The following ZFYVE16 variants were observed in gnomAD, a reference collection of about 807,000 sequenced individuals.
ZFYVE16 encodes zinc finger FYVE domain-containing protein 16.
A neutral mutation model predicts 138.1 loss-of-function variants in ZFYVE16; 89 were observed. The ratio of observed to expected loss-of-function variants is 0.64; its 90% CI spans 0.54 to 0.77. The LOEUF (loss-of-function observed/expected upper bound fraction) is 0.77, where lower values mean the gene tolerates loss of function less well. ZFYVE16 is among the 30% of genes least tolerant of loss of function. The probability of loss-of-function intolerance (pLI) is 0.00; values close to 1 mark genes in which losing one functional copy is unlikely to be tolerated. For missense variants in ZFYVE16, 1,793 were observed against 1,786.7 expected, an observed-to-expected ratio of 1.00 and a Z score of -0.06; for synonymous variants, 596 against 618.3, an observed-to-expected ratio of 0.96 and a Z score of 0.53.
intron 2 of ZFYVE16, among the ~76,000 whole-genome samples, chr5:80,431,525 G>T (rs562302033): frequency 5.9e-4 from 90 of 152,260 alleles, no homozygotes; most frequent in African/African-American, 2.1e-3. Flanking sequence ...TTGAAAACTG[G>T]CACAAGACAG....
chr5:80,438,766 C>T lies in ZFYVE16; in HGVS notation c.2081C>T (p.Thr694Ile), dbSNP rs1407555689. ...CCAATCACTTGTGCTATAGATTCTA[C>T]AGCTGATCCACAGGTTAGCTTCAAC... ...VVPITCAIDS[T>I]ADPQVSFNSN... Residue 694 changes from threonine (T) to isoleucine (I), a missense_variant, in exon 4 of 19, where the codon ACA becomes ATA. Physicochemically the swap from Thr to Ile is moderately conservative, Grantham distance 89. Coordinates refer to ENST00000505560, the MANE Select transcript of ZFYVE16 (RefSeq NM_001284236.3). The T allele has an allele frequency of 3.5e-5, 57 of 1,613,996 alleles. No homozygotes were observed. Among genetic ancestry groups the T allele is most frequent in the Non-Finnish European group, 4.7e-5 (55 of 1,179,972 alleles).
chr5:80,418,476 C>A (rs1746592653), intron 1 of ZFYVE16, among the ~76,000 whole-genome samples: 1 of 151,942 alleles, frequency 6.6e-6, no homozygotes, highest in Admixed American at 6.6e-5. Context: ...CCACACCTAA[C>A]TAATTTTTAA....
intron 14 of ZFYVE16, among the ~76,000 whole-genome samples, chr5:80,459,153 C>T (rs574331346): frequency 6.6e-6 from 1 of 152,206 alleles, no homozygotes; most frequent in Non-Finnish European, 1.5e-5. Flanking sequence ...GTCTCAAACT[C>T]TTGACCTCAG....
At chr5:80,475,813 G>A (rs947643022) in intron 18 of ZFYVE16, among the ~76,000 whole-genome samples, 9 of 152,174 alleles carry the variant, frequency 5.9e-5, no homozygotes, top group South Asian at 4.1e-4. Context: ...ATAAGCGTAA[G>A]TATATCTATA....
chr5:80,470,099 G>GTGTGTGTGTATATA (rs1327173079), intron 15 of ZFYVE16, among the ~76,000 whole-genome samples: 1 of 121,182 alleles, frequency 8.3e-6, no homozygotes, highest in African/African-American at 3.4e-5. Context: ...GTGTGTGTGT[G>GTGTGTGTGTATATA]TATTTTTTTT....
Position 80,472,751 on chromosome 5 carries a change from T to C in ZFYVE16, c.4025-10T>C. The C allele has an allele frequency of 6.2e-7, 1 of 1,607,938 alleles. No individual in the cohort carries two copies. Among genetic ancestry groups the C allele is most frequent in the Non-Finnish European group, 8.5e-7 (1 of 1,177,504 alleles). The stretch of plus-strand genomic sequence containing the variant: ...GGCAAAAGAAATGTGAAACTTAGTC[T>C]CATTTCTAGATGGCTTAATGGTACA... On this transcript the variant is annotated splice_polypyrimidine_tract_variant and intron_variant, in intron 15 of 18. Transcript: ENST00000505560.
Position 80,480,725 on chromosome 5 carries a change from AGAGT to A in ZFYVE16, c.*3352_*3355del, listed in dbSNP as rs1330805814. Among the ~76,000 whole-genome samples the A allele has an allele frequency of 1.3e-5, 2 of 152,224 alleles. No homozygotes were observed. The highest frequency in any genetic ancestry group is 3.9e-4 in the East Asian group (2 of 5,180). Reference sequence around the variant, plus strand: ...GATCACTCGAGCTCAGGTTGAGACCAGAGTGAGCAACACAGGGAGACACTGTCTC... The same window carrying A: ...GATCACTCGAGCTCAGGTTGAGACCAGAGCAACACAGGGAGACACTGTCTC... On this transcript the variant is annotated 3_prime_UTR_variant, in exon 19 of 19. Coordinates refer to ENST00000505560, the MANE Select transcript of ZFYVE16 (RefSeq NM_001284236.3).
rs1375527469 is a variant in ZFYVE16, at chr5:80,481,256, C to T, written c.*3879C>T. On this transcript the variant is annotated 3_prime_UTR_variant, in exon 19 of 19. Coordinates refer to ENST00000505560, the MANE Select transcript of ZFYVE16 (RefSeq NM_001284236.3). Reference sequence around the variant, plus strand: ...AGAACACTGGCAATGGGGAGGCTAACGCCCTGACTTTCTAGCCAAAAACCA... The same window carrying T: ...AGAACACTGGCAATGGGGAGGCTAATGCCCTGACTTTCTAGCCAAAAACCA... Among the ~76,000 whole-genome samples, 2 of 152,078 alleles carry T rather than the reference C, an allele frequency of 1.3e-5. No individual in the cohort carries two copies. Among genetic ancestry groups the T allele is most frequent in the South Asian group, 2.1e-4 (1 of 4,820 alleles).
rs780350296 is a variant in ZFYVE16, at chr5:80,437,299, A to G, written c.614A>G (p.Lys205Arg). The G allele has an allele frequency of 1.9e-6, 3 of 1,608,292 alleles. No individual in the cohort carries two copies. The highest frequency in any genetic ancestry group is 2.5e-6 in the Non-Finnish European group (3 of 1,177,168). Residue 205 changes from lysine (K) to arginine (R), a missense_variant, in exon 4 of 19, where the codon AAA (lysine) becomes AGA (arginine). By Grantham distance (26) the Lys-to-Arg change is conservative (BLOSUM62 2). Around this residue, in one of 2 missense-constraint regions of ZFYVE16, gnomAD observed 1,295 missense variants for 1,204.3 expected, o/e 1.08. Coordinates refer to ENST00000505560, the MANE Select transcript of ZFYVE16 (RefSeq NM_001284236.3). ...CAAAATAGAGAAATCGGAGGAATCA[A>G]AGAATTGGGTATAAAAGTAGATACA... ...ELQNREIGGIKELGIKVDTTL... is the reference protein window; with the variant it reads ...ELQNREIGGIRELGIKVDTTL...
chr5:80,431,591 A>G (rs993555486), intron 2 of ZFYVE16, among the ~76,000 whole-genome samples: 1 of 152,158 alleles, frequency 6.6e-6, no homozygotes, highest in Admixed American at 6.5e-5. Context: ...TGGCCAGGGC[A>G]CTCAGGCAGG....
chr5:80,450,530 C>CTATT lies in ZFYVE16; in HGVS notation c.3327_3330dup (p.Pro1111TyrfsTer3). 6.2e-7 allele frequency: 1 copy of CTATT among 1,613,330 alleles called. No homozygotes were observed. The highest frequency in any genetic ancestry group is 1.1e-5 in the South Asian group (1 of 91,066). ...TTGTTATGTTTGCCAAATGAAGATA[C>CTATT]TATTCCTAAGGACATCTTCAGACTA... On this transcript the variant is annotated frameshift_variant, in exon 10 of 19. Transcript: ENST00000505560. LOFTEE classifies it high-confidence loss of function.
At position 80,438,611 on chromosome 5, in the gene ZFYVE16, A is replaced by G. The variant is rs747710619; in HGVS notation, c.1926A>G (p.Gln642=). ...NQLSVSDINS[Q]SVGGARPKQL... Reference sequence around the variant, plus strand: ...TATCGGTCTCTGATATTAACAGTCAATCTGTTGGAGGGGCCAGACCTAAGC... The same window carrying G: ...TATCGGTCTCTGATATTAACAGTCAGTCTGTTGGAGGGGCCAGACCTAAGC... The change falls in exon 4 of 19, where the codon CAA becomes CAG. Residue 642 remains glutamine (Q), a synonymous_variant. Transcript: ENST00000505560. 16 of 1,614,128 alleles carry G rather than the reference A, an allele frequency of 9.9e-6. No homozygotes were observed. The highest frequency in any genetic ancestry group is 3.3e-5 in the South Asian group (3 of 91,080).
chr5:80,467,122 T>C (rs1753828296), intron 15 of ZFYVE16, among the ~76,000 whole-genome samples: 1 of 152,204 alleles, frequency 6.6e-6, no homozygotes, highest in Non-Finnish European at 1.5e-5. Context: ...GTGGGAAAAA[T>C]CTTTTCTCAG....
At chr5:80,470,238 A>G (rs1165442072) in intron 15 of ZFYVE16, among the ~76,000 whole-genome samples, 1 of 150,794 alleles carries the variant, frequency 6.6e-6, no homozygotes, top group Non-Finnish European at 1.5e-5. Flanking sequence ...AGTAGCTGGG[A>G]CTACAGGCAC....
At chr5:80,439,121 C>T in intron 4 of ZFYVE16, 114 bp downstream of exon 4, 1 of 1,123,934 alleles carries the variant, frequency 8.9e-7, no homozygotes, top group Non-Finnish European at 1.2e-6. Context: ...AGTTTAAAAT[C>T]AGTGTTTTTC....
intron 1 of ZFYVE16, among the ~76,000 whole-genome samples, chr5:80,410,784 G>A (rs925684492): frequency 1.4e-4 from 21 of 151,020 alleles, no homozygotes; most frequent in Admixed American, 1.1e-3. Context: ...TGGCCAGGAT[G>A]GTCTCGATCT....
chr5:80,445,616 A>G (rs1048000019), intron 7 of ZFYVE16, among the ~76,000 whole-genome samples: 1 of 152,034 alleles, frequency 6.6e-6, no homozygotes, highest in African/African-American at 2.4e-5. Flanking sequence ...GCTGGAGTGC[A>G]GTGGCATAAT....
At chr5:80,410,640 G>A (rs1004908749) in intron 1 of ZFYVE16, among the ~76,000 whole-genome samples, 5 of 151,524 alleles carry the variant, frequency 3.3e-5, no homozygotes, top group African/African-American at 4.9e-5. Context: ...GCGTGATCTC[G>A]GCTCACTGTA....
intron 15 of ZFYVE16, among the ~76,000 whole-genome samples, chr5:80,464,866 C>T (rs1353993161): frequency 2.0e-5 from 3 of 151,782 alleles, no homozygotes; most frequent in African/African-American, 7.3e-5. Flanking sequence ...CAGTTAATAC[C>T]AAAATGTTTA....
Sources: allele counts gnomAD v4.1 joint callset (sites outside exome capture counted in the v4.1 genomes callset), GRCh38; gene constraint gnomAD v4.1.1; regional missense constraint gnomAD v4.1.1; transcripts MANE v1.5; gene names NCBI Gene and HGNC (gene_info 2026-07-23, HGNC 2026-07-21).